Variants in FAM13C observed in about 807,000 individuals in gnomAD.
FAM13C encodes protein FAM13C.
A neutral mutation model predicts 73.2 loss-of-function variants in FAM13C; 37 were observed. That is an observed-to-expected ratio of 0.51 (90% CI 0.39 to 0.67). The LOEUF (loss-of-function observed/expected upper bound fraction) is 0.67, where lower values mean the gene tolerates loss of function less well. Ranked by LOEUF, FAM13C falls within the 30% of genes least tolerant of loss-of-function variation. The probability of loss-of-function intolerance (pLI) is 0.00; values close to 1 mark genes in which losing one functional copy is unlikely to be tolerated. For missense variants in FAM13C, 589 were observed against 715.6 expected (o/e 0.82, Z 2.02); for synonymous variants, 246 against 260.9 (o/e 0.94, Z 0.55).
At chr10:59,267,141 A>T (rs576839747) in intron 8 of FAM13C, among the ~76,000 whole-genome samples, 1 of 152,310 alleles carries the variant, frequency 6.6e-6, no homozygotes, top group Admixed American at 6.5e-5. Flanking sequence ...GCCAGATAAG[A>T]AGTGTTAACA....
intron 11 of FAM13C, 43 bp from the exon 12 acceptor site, chr10:59,253,041 C>T (rs1430531971): frequency 2.6e-5 from 42 of 1,595,642 alleles, no homozygotes; most frequent in Non-Finnish European, 3.4e-5. Flanking sequence ...ATGTAATGCT[C>T]AGTGCCTCTT....
intron 1 of FAM13C, among the ~76,000 whole-genome samples, chr10:59,358,895 T>A (rs1448047701): frequency 6.6e-6 from 1 of 152,238 alleles, no homozygotes; most frequent in Non-Finnish European, 1.5e-5. Flanking sequence ...ATAGAGCAAC[T>A]GAAATAGAGC....
chr10:59,275,384 C>T (rs540240785), intron 6 of FAM13C, among the ~76,000 whole-genome samples: 1 of 152,250 alleles, frequency 6.6e-6, no homozygotes, highest in Admixed American at 6.5e-5. Context: ...AGGTTGTCTA[C>T]CAAGCCCTGG....
intron 3 of FAM13C, among the ~76,000 whole-genome samples, chr10:59,344,311 C>G (rs1040890358): frequency 4.1e-5 from 6 of 145,360 alleles, no homozygotes; most frequent in Non-Finnish European, 9.0e-5. Context: ...CAGAGTCTCG[C>G]TCTGTCGCCC....
rs562339138 is a variant in FAM13C, at chr10:59,320,179, C to T, written c.443+3809G>A. ...AGTTGTTGCCTTGGAGGAATGTAGG[C>T]CCTGGGTTATCCCTCCTTTAGACTC... On this transcript the variant is annotated intron_variant, in intron 4 of 13. Coordinates refer to ENST00000618804, the MANE Select transcript of FAM13C (RefSeq NM_198215.4). Among the ~76,000 whole-genome samples the T allele has an allele frequency of 1.1e-4, 16 of 152,248 alleles. 1 individual carries two copies. The South Asian group carries it at 1.7e-3, about 16-fold the overall frequency.
At chr10:59,268,418 A>AT (rs1843326406) in intron 8 of FAM13C, 135 bp downstream of exon 8, 2 of 1,050,148 alleles carry the variant, frequency 1.9e-6, no homozygotes, top group African/African-American at 3.2e-5. Context: ...AGACTCTATG[A>AT]TAGGTCCAGG....
At chr10:59,263,971 A>G in intron 9 of FAM13C, 114 bp downstream of exon 9, 1 of 953,076 alleles carries the variant, frequency 1.0e-6, no homozygotes, top group Non-Finnish European at 1.7e-6. Flanking sequence ...GTCTAAGCAG[A>G]AAACAAGGTG....
At chr10:59,249,596 G>C (rs1841168680) in intron 13 of FAM13C, among the ~76,000 whole-genome samples, 1 of 152,058 alleles carries the variant, frequency 6.6e-6, no homozygotes, top group African/African-American at 2.4e-5. Context: ...ATATTACCAA[G>C]AACATTTATA....
chr10:59,290,645 G>A (rs926796449), intron 5 of FAM13C, among the ~76,000 whole-genome samples: 5 of 152,086 alleles, frequency 3.3e-5, no homozygotes, highest in Admixed American at 6.6e-5. Context: ...TCTCAGCAGG[G>A]GGCCCCCTAG....
chr10:59,336,841 T>C (rs1210259997), intron 3 of FAM13C, among the ~76,000 whole-genome samples: 1 of 152,172 alleles, frequency 6.6e-6, no homozygotes, highest in Non-Finnish European at 1.5e-5. Context: ...ATAAGAAAAC[T>C]CATTAGGATG....
At chr10:59,295,535 G>A (rs1159107890) in intron 5 of FAM13C, among the ~76,000 whole-genome samples, 4 of 152,044 alleles carry the variant, frequency 2.6e-5, no homozygotes, top group African/African-American at 7.2e-5. Context: ...AAGCTGGGAC[G>A]GGGGCTTTTC....
At chr10:59,303,796 A>G (rs902395427) in intron 4 of FAM13C, among the ~76,000 whole-genome samples, 29 of 152,146 alleles carry the variant, frequency 1.9e-4, no homozygotes, top group African/African-American at 6.8e-4. Context: ...CATTTCTCTA[A>G]TGATCAGTGA....
At chr10:59,262,737 A>G (rs1842638788) in intron 9 of FAM13C, 92 bp from the exon 10 acceptor site, 1 of 1,043,360 alleles carries the variant, frequency 9.6e-7, no homozygotes, top group Non-Finnish European at 1.4e-6. Context: ...CCTGATGCCA[A>G]ATCTGTAGAA....
At chr10:59,316,310 T>C (rs780159663) in intron 4 of FAM13C, among the ~76,000 whole-genome samples, 3 of 152,166 alleles carry the variant, frequency 2.0e-5, no homozygotes, top group Admixed American at 6.5e-5. Flanking sequence ...AACTTTGACT[T>C]TTAAGCACAA....
chr10:59,283,435 G>A lies in FAM13C; in HGVS notation c.520C>T (p.Gln174Ter), dbSNP rs753412766. Residue 174 changes from glutamine (Q) to a stop codon, truncating the protein, a stop_gained, in exon 6 of 14, where the codon CAG becomes TAG. Transcript: ENST00000618804. LOFTEE classifies it high-confidence loss of function. The part of the protein sequence containing the change: ...RQDLNEEEAA[Q>*]VHGVKDPAPA... ...GCCGGGTCCTTGACTCCATGCACCT[G>A]AGCAGCTTCTTCCTGGTTTGTTAAA... 1 of 1,614,194 alleles carries A rather than the reference G, an allele frequency of 6.2e-7. No homozygotes were observed. Among genetic ancestry groups the A allele is most frequent in the Non-Finnish European group, 8.5e-7 (1 of 1,180,034 alleles).
upstream of FAM13C, chr10:59,362,974 T>C (rs1856578375): frequency 6.1e-6 from 1 of 162,746 alleles, no homozygotes; most frequent in African/African-American, 2.4e-5. Context: ...GATTCATCCA[T>C]CGTTCAGAAA....
At position 59,357,153 on chromosome 10, in the gene FAM13C, T is replaced by A. The variant is rs114797045; in HGVS notation, c.63-1210A>T. Among the ~76,000 whole-genome samples, 973 of 152,334 alleles carry A rather than the reference T, an allele frequency of 6.4e-3. 9 individuals carry two copies. Among genetic ancestry groups the A allele is most frequent in the African/African-American group, 0.022 (911 of 41,574 alleles). ...CGGACTATTGTGGGACTTCACCTTGTGATCATGTGAGTCCACTCTCCTACT... is the reference window on the plus strand; with the variant it reads ...CGGACTATTGTGGGACTTCACCTTGAGATCATGTGAGTCCACTCTCCTACT... On this transcript the variant is annotated intron_variant, in intron 1 of 13. Coordinates refer to ENST00000618804, the MANE Select transcript of FAM13C (RefSeq NM_198215.4).
At chr10:59,360,806 G>T (rs2132236412) in intron 1 of FAM13C, among the ~76,000 whole-genome samples, 1 of 128,366 alleles carries the variant, frequency 7.8e-6, no homozygotes, top group Non-Finnish European at 1.6e-5. Context: ...AGTGTCCAAA[G>T]ACAAGGCACC....
intron 6 of FAM13C, among the ~76,000 whole-genome samples, chr10:59,281,196 A>G (rs761150800): frequency 6.6e-6 from 1 of 152,232 alleles, no homozygotes; most frequent in Non-Finnish European, 1.5e-5. Flanking sequence ...ACCAGGACTA[A>G]CATGAAAAAA....
Sources: gnomAD v4.1 joint callset for allele counts (sites outside exome capture counted in the v4.1 genomes callset) on GRCh38, gnomAD v4.1.1 for gene constraint, MANE v1.5 for transcripts, NCBI Gene and HGNC (gene_info 2026-07-23, HGNC 2026-07-21) for gene names.